The following KIF3C variants were observed in gnomAD, a reference collection of about 807,000 sequenced individuals.
KIF3C encodes the protein kinesin family member 3C.
Under a neutral mutation model 67.7 loss-of-function variants are expected in KIF3C, and 12 were observed. That is an observed-to-expected ratio of 0.18 (90% CI 0.11 to 0.29). The LOEUF is 0.29. KIF3C is among the 10% of genes least tolerant of loss of function. The pLI is 1.00. For missense variants in KIF3C, 789 were observed against 1,059.6 expected (o/e 0.74, Z 3.55); for synonymous variants, 393 against 426.2 (o/e 0.92, Z 0.96).
chr2:25,929,510 G>C, intron 6 of KIF3C, 33 bp from the exon 7 acceptor site: 1 of 1,599,632 alleles, frequency 6.3e-7, no homozygotes, highest in Non-Finnish European at 8.6e-7. Context: ...GGCTTGAACA[G>C]TGCCCAGTCA....
chr2:25,964,333 G>A (rs911454374), intron 1 of KIF3C, among the ~76,000 whole-genome samples: 4 of 152,054 alleles, frequency 2.6e-5, no homozygotes, highest in African/African-American at 7.2e-5. Flanking sequence ...ATAAACATTT[G>A]TTATAATAAT....
At chr2:25,929,558 C>A in intron 6 of KIF3C, 81 bp from the exon 7 acceptor site, 1 of 1,253,784 alleles carries the variant, frequency 8.0e-7, no homozygotes, top group Non-Finnish European at 1.2e-6. Flanking sequence ...TTGGGTGTAG[C>A]AGGGCTGATG....
Position 25,963,013 on chromosome 2 carries a change from T to TATATATA in KIF3C, c.1546-6576_1546-6570dup, listed in dbSNP as rs70950144. ...AATATATATAATATATAATATATAA[T>TATATATA]ATATATAATATATAATATATAATAT... On this transcript the variant is annotated intron_variant, in intron 1 of 7. Coordinates refer to ENST00000264712, the MANE Select transcript of KIF3C (RefSeq NM_002254.8). Among the ~76,000 whole-genome samples, 84 of 44,314 alleles carry TATATATA rather than the reference T, an allele frequency of 1.9e-3. 1 individual carries two copies. Among genetic ancestry groups the TATATATA allele is most frequent in the Middle Eastern group, 0.013 (1 of 78 alleles). The allele number at this position is 44,314 out of a possible 152,430, so 29.1% of individuals were successfully genotyped here.
Position 25,929,025 on chromosome 2 carries a change from G to C in KIF3C, c.2335C>G (p.Leu779Val). The C allele has an allele frequency of 6.2e-7, 1 of 1,613,884 alleles. No individual in the cohort carries two copies. Among genetic ancestry groups the C allele is most frequent in the East Asian group, 2.2e-5 (1 of 44,866 alleles). The change falls in exon 8 of 8, where the codon CTG becomes GTG. Residue 779 changes from leucine (L) to valine (V), a missense_variant. Physicochemically the swap from Leu to Val is conservative, Grantham distance 32 (BLOSUM62 1). Around this residue, in one of 2 missense-constraint regions of KIF3C, gnomAD observed 648 missense variants for 807.8 expected, o/e 0.80. Coordinates refer to ENST00000264712, the MANE Select transcript of KIF3C (RefSeq NM_002254.8). ...RPPPSTTHAS[L>V]ASASLRPATV... is the part of the protein sequence containing the mutation. The stretch of plus-strand genomic sequence containing the variant: ...GCAGGGCGCAGAGAAGCAGAGGCCA[G>C]GGAGGCATGTGTGGTGGAAGGTGGA...
intron 5 of KIF3C, among the ~76,000 whole-genome samples, chr2:25,948,817 C>T (rs935398607): frequency 5.3e-5 from 8 of 151,814 alleles, no homozygotes; most frequent in African/African-American, 1.2e-4. Flanking sequence ...GGTAAAGCAC[C>T]TGCCACACTT....
At chr2:25,969,150 C>T (rs1303672755) in intron 1 of KIF3C, among the ~76,000 whole-genome samples, 1 of 152,172 alleles carries the variant, frequency 6.6e-6, no homozygotes, top group Non-Finnish European at 1.5e-5. Context: ...TCATTCCTTA[C>T]AGCTCCTGGG....
Position 25,955,943 on chromosome 2 carries a change from A to G in KIF3C, c.1648-280T>C, listed in dbSNP as rs961708246. 6.6e-6 allele frequency among the ~76,000 whole-genome samples: 1 copy of G among 152,198 alleles called. No individual in the cohort carries two copies. Among genetic ancestry groups the G allele is most frequent in the African/African-American group, 2.4e-5 (1 of 41,454 alleles). On this transcript the variant is annotated intron_variant, in intron 2 of 7. Coordinates refer to ENST00000264712, the MANE Select transcript of KIF3C (RefSeq NM_002254.8). The surrounding 1 kb of genome is among the most constrained non-coding windows in gnomAD (Gnocchi z 5.0). Reference sequence around the variant, plus strand: ...GCGTTAGTCACACAGATGGAGGCACATCACACTGCCTTCCAAGCTGCCTCA... The same window carrying G: ...GCGTTAGTCACACAGATGGAGGCACGTCACACTGCCTTCCAAGCTGCCTCA...
chr2:25,944,995 G>A (rs1424630072), intron 5 of KIF3C, among the ~76,000 whole-genome samples: 1 of 152,020 alleles, frequency 6.6e-6, no homozygotes, highest in Non-Finnish European at 1.5e-5. Flanking sequence ...GCCAGGCGTG[G>A]TGGCGGGCAC....
intron 4 of KIF3C, among the ~76,000 whole-genome samples, chr2:25,953,773 C>T (rs1202993368): frequency 6.6e-6 from 1 of 151,152 alleles, no homozygotes; most frequent in Non-Finnish European, 1.5e-5. Flanking sequence ...CAGGTTCAAG[C>T]AATTCTGCCT....
At chr2:25,936,356 CGTGT>C (rs1033160836) in intron 5 of KIF3C, among the ~76,000 whole-genome samples, 4 of 151,868 alleles carry the variant, frequency 2.6e-5, no homozygotes, top group Non-Finnish European at 4.4e-5. Flanking sequence ...TAAGGAAATG[CGTGT>C]GTGTGTGTCT....
rs1179891752 is a variant in KIF3C, at chr2:25,962,852, T to A, written c.1546-6408A>T. On this transcript the variant is annotated intron_variant, in intron 1 of 7. Transcript: ENST00000264712. ...AATATATAAAATATATAATATATAA[T>A]ATAATATATAATATATATAATATAT... Among the ~76,000 whole-genome samples the A allele has an allele frequency of 5.3e-5, 4 of 76,012 alleles. No homozygotes were observed. The South Asian group carries it at 9.0e-4, about 17-fold the overall frequency. 49.9% of individuals were successfully genotyped at this position (76,012 alleles called of 152,430 possible).
rs527663149 is a variant in KIF3C at position 25,980,519 on chromosome 2, G to C, written c.1399C>G (p.Arg467Gly). Residue 467 changes from arginine (R) to glycine (G), a missense_variant, in exon 1 of 8, where the codon CGG (arginine) becomes GGG (glycine). By Grantham distance (125) the Arg-to-Gly change is moderately radical. Coordinates refer to ENST00000264712, the MANE Select transcript of KIF3C (RefSeq NM_002254.8). The surrounding 1 kb of genome is among the most constrained non-coding windows in gnomAD (Gnocchi z 7.6). ...MENYLQEQKE[R>G]LEEEKAAIQD... ...ATGGCTGCCTTCTCCTCCTCCAGCC[G>C]CTCCTTCTGTTCCTGCAGGTAATTC... 1 of 1,613,964 alleles carries C rather than the reference G, an allele frequency of 6.2e-7. No individual in the cohort carries two copies. The highest frequency in any genetic ancestry group is 1.1e-5 in the South Asian group (1 of 91,088).
intron 1 of KIF3C, among the ~76,000 whole-genome samples, chr2:25,972,555 T>C (rs1017031560): frequency 1.3e-5 from 2 of 152,122 alleles, no homozygotes; most frequent in Admixed American, 1.3e-4. Flanking sequence ...TCAAGGCTTC[T>C]TTCAAGGGTC....
chr2:25,973,473 G>T (rs1388531639), intron 1 of KIF3C, among the ~76,000 whole-genome samples: 1 of 149,874 alleles, frequency 6.7e-6, no homozygotes, highest in African/African-American at 2.5e-5. Context: ...AGAATTGCTT[G>T]AACCCGGGAA....
intron 5 of KIF3C, among the ~76,000 whole-genome samples, chr2:25,942,189 C>T (rs1663298626): frequency 6.6e-6 from 1 of 151,604 alleles, no homozygotes; most frequent in Non-Finnish European, 1.5e-5. Flanking sequence ...GAAACCCTGT[C>T]TCTACTAAAA....
At chr2:25,948,634 GAGAGAA>G (rs1478587390) in intron 5 of KIF3C, among the ~76,000 whole-genome samples, 11 of 122,982 alleles carry the variant, frequency 8.9e-5, no homozygotes, top group East Asian at 3.9e-4. Flanking sequence ...GAGAAAGAGA[GAGAGAA>G]AGAGAAAGAG....
Position 25,927,495 on chromosome 2 carries a change from G to C in KIF3C, c.*1483C>G, listed in dbSNP as rs2149219081. 6.6e-6 allele frequency: 1 copy of C among 152,302 alleles called. No homozygotes were observed. The highest frequency in any genetic ancestry group is 1.5e-5 in the Non-Finnish European group (1 of 68,050). The allele number at this position is 152,302 out of a possible 1,614,324, so 9.4% of individuals were successfully genotyped here. ...ATGACAGTGTCGCTGAGTTAAATCA[G>C]ACCCAAGCTTGATCCTCAGAGCAGA... On this transcript the variant is annotated 3_prime_UTR_variant, in exon 8 of 8. Coordinates refer to ENST00000264712, the MANE Select transcript of KIF3C (RefSeq NM_002254.8).
intron 5 of KIF3C, among the ~76,000 whole-genome samples, chr2:25,949,651 C>T (rs1037468287): frequency 6.6e-6 from 1 of 152,046 alleles, no homozygotes; most frequent in African/African-American, 2.4e-5. Context: ...AAAGAAATTC[C>T]TTCACCTGCA....
intron 4 of KIF3C, among the ~76,000 whole-genome samples, chr2:25,952,507 T>C (rs1204503656): frequency 6.7e-6 from 1 of 150,052 alleles, no homozygotes; most frequent in Non-Finnish European, 1.5e-5. Flanking sequence ...CTATAGTCAA[T>C]AACTTAATTG....
Sources: gnomAD v4.1 joint callset for allele counts (sites outside exome capture counted in the v4.1 genomes callset) on GRCh38, gnomAD v4.1.1 for gene constraint, gnomAD v4.1.1 regional missense constraint, Gnocchi (gnomAD v3.1) non-coding constraint, MANE v1.5 for transcripts, NCBI Gene and HGNC (gene_info 2026-07-23, HGNC 2026-07-21) for gene names.